The following PDSS2 variants were observed in gnomAD, a reference collection of about 807,000 sequenced individuals.
The protein encoded by PDSS2 is decaprenyl diphosphate synthase subunit 2.
In PDSS2, 31 loss-of-function variants were observed where a neutral mutation model predicts 44.5. That is an observed-to-expected ratio of 0.70 (90% CI 0.52 to 0.94). The LOEUF (loss-of-function observed/expected upper bound fraction) is 0.94. Ranked by LOEUF, PDSS2 falls within the 40% of genes least tolerant of loss-of-function variation. PDSS2 has a pLI of 0.00. For missense variants in PDSS2, 452 were observed against 482.2 expected (o/e 0.94, Z 0.59); for synonymous variants, 157 against 180.3 (o/e 0.87, Z 1.03).
intron 2 of PDSS2, among the ~76,000 whole-genome samples, chr6:107,289,304 C>T (rs1776265350): frequency 6.7e-6 from 1 of 149,258 alleles, no homozygotes; most frequent in South Asian, 2.1e-4. Flanking sequence ...ACCCGGGAGG[C>T]AGAGGTTGTA....
At position 107,198,597 on chromosome 6, in the gene PDSS2, T is replaced by G. The variant is rs546884198; in HGVS notation, c.1009-4743A>C. ...GATACATGGGTATAATATCTAAATA[T>G]GCCAAACATACCTGACAACAGACAT... On this transcript the variant is annotated intron_variant, in intron 6 of 7. Transcript: ENST00000369037. 4.6e-5 allele frequency among the ~76,000 whole-genome samples: 7 copies of G among 152,308 alleles called. No homozygotes were observed. The South Asian group carries it at 1.4e-3, about 32-fold the overall frequency.
intron 7 of PDSS2, among the ~76,000 whole-genome samples, chr6:107,164,168 A>AT (rs66481350): frequency 0.24 from 35,747 of 150,282 alleles, 4,359 homozygotes; most frequent in African/African-American, 0.31. Flanking sequence ...CTTAAAAAAA[A>AT]TTTTTTTTTT....
At chr6:107,259,460 C>A (rs1225700910) in intron 3 of PDSS2, among the ~76,000 whole-genome samples, 2 of 151,756 alleles carry the variant, frequency 1.3e-5, no homozygotes, top group Non-Finnish European at 2.9e-5. Context: ...GTCAGGAGTT[C>A]AAGACCAGCC....
At chr6:107,306,658 C>G (rs1021589368) in intron 2 of PDSS2, among the ~76,000 whole-genome samples, 1 of 151,972 alleles carries the variant, frequency 6.6e-6, no homozygotes, top group South Asian at 2.1e-4. Context: ...GGTGGTCCTT[C>G]AGATATAGTA....
At chr6:107,433,540 T>C (rs531021172) in intron 1 of PDSS2, among the ~76,000 whole-genome samples, 155 of 152,310 alleles carry the variant, frequency 1.0e-3, no homozygotes, top group African/African-American at 3.5e-3. Context: ...CTTCAATAAG[T>C]AGTGCTGGGA....
intron 1 of PDSS2, among the ~76,000 whole-genome samples, chr6:107,457,941 C>A (rs1393848799): frequency 1.3e-5 from 2 of 151,632 alleles, no homozygotes; most frequent in Non-Finnish European, 2.9e-5. Flanking sequence ...GGAAAAGGAT[C>A]GTGATGTATG....
chr6:107,193,695 T>C, intron 7 of PDSS2, 127 bp downstream of exon 7: 1 of 734,886 alleles, frequency 1.4e-6, no homozygotes. Context: ...TATTGGCCTG[T>C]TACTTAACAG....
In PDSS2 at chr6:107,426,308, C is replaced by T. The variant is rs113116747; in HGVS notation, c.296+32682G>A. Reference sequence around the variant, plus strand: ...TTGGCAGCTTCCACACGGTGTTGAGCCTTTGAGTGTATAGAAGTCAAGAAC... The same window carrying T: ...TTGGCAGCTTCCACACGGTGTTGAGTCTTTGAGTGTATAGAAGTCAAGAAC... On this transcript the variant is annotated intron_variant, in intron 1 of 7. Coordinates refer to ENST00000369037, the MANE Select transcript of PDSS2 (RefSeq NM_020381.4). 9.2e-3 allele frequency among the ~76,000 whole-genome samples: 1,402 copies of T among 152,238 alleles called. 17 individuals carry two copies. The highest frequency in any genetic ancestry group is 0.029 in the African/African-American group (1,203 of 41,546).
At chr6:107,431,871 T>C (rs1434525252) in intron 1 of PDSS2, among the ~76,000 whole-genome samples, 1 of 152,030 alleles carries the variant, frequency 6.6e-6, no homozygotes, top group African/African-American at 2.4e-5. Context: ...CTTTTACAGA[T>C]GAGATAACAA....
intron 1 of PDSS2, among the ~76,000 whole-genome samples, chr6:107,373,359 C>T (rs1056202707): frequency 4.0e-5 from 6 of 151,888 alleles, no homozygotes; most frequent in Non-Finnish European, 4.4e-5. Context: ...AATCGGCCTC[C>T]AAAAGTTTAA....
intron 7 of PDSS2, among the ~76,000 whole-genome samples, chr6:107,159,423 T>TC (rs1438448338): frequency 6.1e-5 from 9 of 146,386 alleles, no homozygotes; most frequent in Admixed American, 2.7e-4. Flanking sequence ...TCTTTTCTTT[T>TC]TTTTTTTTTT....
chr6:107,459,552 A>C lies in PDSS2; in HGVS notation c.-267T>G, dbSNP rs1426567436. 1 of 514,114 alleles carries C rather than the reference A, an allele frequency of 1.9e-6. No individual in the cohort carries two copies. Among genetic ancestry groups the C allele is most frequent in the Non-Finnish European group, 3.5e-6 (1 of 287,416 alleles). The allele number at this position is 514,114 out of a possible 1,614,324, so 31.8% of individuals were successfully genotyped here. The stretch of plus-strand genomic sequence containing the variant: ...AGCCACTGCCTATGTGGAGGACGCC[A>C]TATTGGAGGCATGGAATGCGGCCTG... On this transcript the variant is annotated 5_prime_UTR_variant, in exon 1 of 8. An upstream start codon of the reference 5' UTR is lost. Transcript: ENST00000369037. This position sits in a 1 kb window ranked among gnomAD's most constrained non-coding sequence, Gnocchi z 4.3.
intron 1 of PDSS2, among the ~76,000 whole-genome samples, chr6:107,340,800 A>G (rs1778056419): frequency 6.6e-6 from 1 of 152,142 alleles, no homozygotes; most frequent in Non-Finnish European, 1.5e-5. Context: ...GTATTTTAGG[A>G]GAAAGAAATA....
chr6:107,210,857 G>C (rs1773175188), intron 5 of PDSS2, among the ~76,000 whole-genome samples: 2 of 41,076 alleles, frequency 4.9e-5, no homozygotes, highest in Non-Finnish European at 8.0e-5. Context: ...AACAAAAATT[G>C]GGGGGGGTTT....
chr6:107,301,427 CTT>C (rs1291648531), intron 2 of PDSS2, among the ~76,000 whole-genome samples: 2 of 151,258 alleles, frequency 1.3e-5, no homozygotes, highest in East Asian at 4.0e-4. Flanking sequence ...GCTAAAAACA[CTT>C]TACCATTTTT....
chr6:107,290,358 G>GGCTGGAGTGGTAAAAC (rs1345935596), intron 2 of PDSS2, among the ~76,000 whole-genome samples: 2 of 152,276 alleles, frequency 1.3e-5, no homozygotes, highest in African/African-American at 4.8e-5. Flanking sequence ...TTAGATGTGA[G>GGCTGGAGTGGTAAAAC]GCTGGAGTGG....
chr6:107,350,223 C>T (rs967895083), intron 1 of PDSS2, among the ~76,000 whole-genome samples: 1 of 152,204 alleles, frequency 6.6e-6, no homozygotes, highest in African/African-American at 2.4e-5. Flanking sequence ...GCCTTCTCCA[C>T]AGCAAAGTTA....
chr6:107,384,209 C>G (rs183415558), intron 1 of PDSS2, among the ~76,000 whole-genome samples: 2 of 152,210 alleles, frequency 1.3e-5, no homozygotes, highest in East Asian at 3.9e-4. Context: ...GTAGGCAAAT[C>G]CATAAAGACA....
chr6:107,315,922 TAC>T (rs1777184439), intron 2 of PDSS2, among the ~76,000 whole-genome samples: 1 of 152,176 alleles, frequency 6.6e-6, no homozygotes, highest in Admixed American at 6.5e-5. Flanking sequence ...TATCACAATA[TAC>T]AGTTTTAGAA....
Sources: allele counts gnomAD v4.1 joint callset (sites outside exome capture counted in the v4.1 genomes callset), GRCh38; gene constraint gnomAD v4.1.1; non-coding constraint Gnocchi (gnomAD v3.1); transcripts MANE v1.5; gene names NCBI Gene and HGNC (gene_info 2026-07-23, HGNC 2026-07-21).